NHSL1: variants seen among roughly 807,000 people sequenced by gnomAD.
The protein encoded by NHSL1 is NHS-like protein 1.
A neutral mutation model predicts 95.0 loss-of-function variants in NHSL1; 48 were observed. That is an observed-to-expected ratio of 0.51 (90% CI 0.40 to 0.64). The LOEUF is 0.64. Among genes scored for constraint, NHSL1 ranks in the 30% least tolerant of loss-of-function variants. The pLI is 0.00. For missense variants in NHSL1, 1,971 were observed against 2,077.7 expected, an observed-to-expected ratio of 0.95 and a Z score of 1.00; for synonymous variants, 783 against 833.9, an observed-to-expected ratio of 0.94 and a Z score of 1.05.
At chr6:138,675,846 A>G (rs1489035308) in intron 1 of NHSL1, among the ~76,000 whole-genome samples, 4 of 152,248 alleles carry the variant, frequency 2.6e-5, no homozygotes, top group East Asian at 1.9e-4. Flanking sequence ...AAATTCTTAC[A>G]TGATTATATC....
chr6:138,610,107 G>T (rs1046112778), intron 1 of NHSL1, among the ~76,000 whole-genome samples: 1 of 152,054 alleles, frequency 6.6e-6, no homozygotes, highest in Non-Finnish European at 1.5e-5. Context: ...CTCCCACAGG[G>T]CCCCACCAAT....
At chr6:138,547,241 T>C (rs1490782947), upstream of NHSL1, among the ~76,000 whole-genome samples, 1 of 151,760 alleles carries the variant, frequency 6.6e-6, no homozygotes, top group Non-Finnish European at 1.5e-5. Flanking sequence ...GGGTAATAAA[T>C]ATGTTGTCTA....
chr6:138,538,444 T>C (rs2128321700), intron 1 of NHSL1, among the ~76,000 whole-genome samples: 1 of 152,316 alleles, frequency 6.6e-6, no homozygotes. Context: ...CCCCACGTGA[T>C]CTTCTACCAA....
At chr6:138,455,793 C>G (rs1343092244) in intron 3 of NHSL1, among the ~76,000 whole-genome samples, 4 of 152,022 alleles carry the variant, frequency 2.6e-5, no homozygotes, top group African/African-American at 9.7e-5. Context: ...ACCTAGATAA[C>G]CTGTAAAGCC....
In NHSL1 at chr6:138,510,712, T is replaced by C. The variant is rs530147037; in HGVS notation, c.17-14341A>G. 3.8e-4 allele frequency among the ~76,000 whole-genome samples: 58 copies of C among 152,342 alleles called. No individual in the cohort carries two copies. The South Asian group carries it at 0.011, about 28-fold the overall frequency. ...TTTTAAGTAAATAAAAACCTTCCTA[T>C]AACCTCAATTTTTCATATTCGTTCA... On this transcript the variant is annotated intron_variant, in intron 1 of 4. Coordinates refer to the NHSL1 transcript ENST00000342260.
intron 1 of NHSL1, among the ~76,000 whole-genome samples, chr6:138,666,290 C>G (rs183662300): frequency 6.7e-6 from 1 of 150,240 alleles, no homozygotes; most frequent in East Asian, 2.0e-4. Context: ...ACAACAAGGG[C>G]GAAACTCCGT....
At chr6:138,427,312 C>T (rs57143354) in intron 7 of NHSL1, among the ~76,000 whole-genome samples, 15,288 of 152,122 alleles carry the variant, frequency 0.1, 1,155 homozygotes, top group African/African-American at 0.22. Flanking sequence ...TGGTGGCACA[C>T]GCCTATAATC....
At chr6:138,638,885 C>T (rs1466933607) in intron 1 of NHSL1, among the ~76,000 whole-genome samples, 1 of 152,192 alleles carries the variant, frequency 6.6e-6, no homozygotes, top group African/African-American at 2.4e-5. Flanking sequence ...TTCAAGAAAA[C>T]ATCTTTTAAG....
chr6:138,464,705 TTTTTC>T (rs1778233846), intron 3 of NHSL1, among the ~76,000 whole-genome samples: 1 of 144,510 alleles, frequency 6.9e-6, no homozygotes, highest in Non-Finnish European at 1.5e-5. Context: ...TTCACTTTTT[TTTTTC>T]TTTTCTTTTT....
intron 1 of NHSL1, among the ~76,000 whole-genome samples, chr6:138,551,970 T>C (rs1783021232): frequency 6.6e-6 from 1 of 152,200 alleles, no homozygotes. Context: ...CTGGGGTATT[T>C]TGTGCTGGAC....
intron 1 of NHSL1, among the ~76,000 whole-genome samples, chr6:138,540,473 C>T (rs867119976): frequency 1.1e-4 from 17 of 152,350 alleles, no homozygotes; most frequent in Middle Eastern, 3.4e-3. Flanking sequence ...GAAAAATGCA[C>T]TTGTTTCAGC....
chr6:138,629,083 T>C (rs1784782322), intron 1 of NHSL1, among the ~76,000 whole-genome samples: 1 of 152,236 alleles, frequency 6.6e-6, no homozygotes. Flanking sequence ...TCTTCCATAG[T>C]TGCAACCTCA....
At chr6:138,513,418 C>T (rs1781319837) in intron 1 of NHSL1, among the ~76,000 whole-genome samples, 1 of 151,970 alleles carries the variant, frequency 6.6e-6, no homozygotes, top group African/African-American at 2.4e-5. Context: ...ACTCTGTCAC[C>T]CAGGCTAGAG....
chr6:138,455,892 G>A (rs940650698), intron 3 of NHSL1, among the ~76,000 whole-genome samples: 2 of 152,196 alleles, frequency 1.3e-5, no homozygotes, highest in Admixed American at 1.3e-4. Context: ...AACAAAAGAC[G>A]AGATGATTGG....
intron 1 of NHSL1, among the ~76,000 whole-genome samples, chr6:138,600,785 A>C (rs1320311322): frequency 1.3e-5 from 2 of 152,204 alleles, no homozygotes; most frequent in Non-Finnish European, 2.9e-5. Flanking sequence ...AATTTGTGAG[A>C]GAAGAAACTC....
chr6:138,461,344 G>GA (rs1179091505), intron 3 of NHSL1, among the ~76,000 whole-genome samples: 1 of 152,182 alleles, frequency 6.6e-6, no homozygotes, highest in African/African-American at 2.4e-5. Flanking sequence ...CAAGGAGTCA[G>GA]ACTGCTACAG....
At chr6:138,688,288 G>A (rs1052254835) in intron 1 of NHSL1, among the ~76,000 whole-genome samples, 10 of 147,062 alleles carry the variant, frequency 6.8e-5, no homozygotes, top group African/African-American at 2.7e-4. Context: ...TGTATGGTGT[G>A]TAAATTTTAT....
intron 1 of NHSL1, among the ~76,000 whole-genome samples, chr6:138,543,368 G>A (rs902370151): frequency 2.0e-5 from 3 of 152,180 alleles, no homozygotes; most frequent in African/African-American, 4.8e-5. Flanking sequence ...TATAAGTTAC[G>A]ATAGTGACAA....
intron 4 of NHSL1, among the ~76,000 whole-genome samples, chr6:138,442,850 T>C (rs532516442): frequency 6.6e-6 from 1 of 152,306 alleles, no homozygotes; most frequent in African/African-American, 2.4e-5. Flanking sequence ...CTTTTTTTCC[T>C]TCTAGAGTGT....
Sources: gnomAD v4.1 joint callset for allele counts (sites outside exome capture counted in the v4.1 genomes callset) on GRCh38, gnomAD v4.1.1 for gene constraint, MANE v1.5 for transcripts, NCBI Gene and HGNC (gene_info 2026-07-23, HGNC 2026-07-21) for gene names.